The following GDPD1 variants were observed in gnomAD, a reference collection of about 807,000 sequenced individuals.
The protein encoded by GDPD1 is lysophospholipase D GDPD1.
In GDPD1, 28 loss-of-function variants were observed where a neutral mutation model predicts 45.1. The ratio of observed to expected loss-of-function variants is 0.62; its 90% CI spans 0.46 to 0.85. The LOEUF (loss-of-function observed/expected upper bound fraction) is 0.85. Among genes scored for constraint, GDPD1 ranks in the 40% least tolerant of loss-of-function variants. The pLI, the probability that GDPD1 is intolerant of heterozygous loss-of-function variation, is 0.00. For missense variants in GDPD1, 256 were observed against 364.8 expected, an observed-to-expected ratio of 0.70 and a Z score of 2.43; for synonymous variants, 139 against 131.4, an observed-to-expected ratio of 1.06 and a Z score of -0.40.
chr17:59,245,290 G>A, intron 2 of GDPD1, 124 bp from the exon 3 acceptor site: 2 of 616,286 alleles, frequency 3.2e-6, no homozygotes, highest in East Asian at 2.8e-5. Context: ...ACTAAGTGAT[G>A]GTATTAAGGA....
chr17:59,233,511 C>CAAAAAA (rs35485066), intron 1 of GDPD1, among the ~76,000 whole-genome samples: 4 of 90,594 alleles, frequency 4.4e-5, no homozygotes, highest in African/African-American at 1.2e-4. Flanking sequence ...GACTCCGTCT[C>CAAAAAA]AAAAAAAAAA....
intron 1 of GDPD1, among the ~76,000 whole-genome samples, chr17:59,222,344 C>G (rs568746477): frequency 2.8e-5 from 4 of 144,592 alleles, no homozygotes; most frequent in Non-Finnish European, 4.6e-5. Flanking sequence ...GTAGCTGGGA[C>G]TACAGGCGCC....
At position 59,220,551 on chromosome 17, in the gene GDPD1, A is replaced by G. The variant is rs2046994577; in HGVS notation, c.-59A>G. ...AGCCGCCGCCGCCGCCGTCGTTGCT[A>G]CTGCCGCAGCGGAGTTCAGAGGGCC... is the stretch of plus-strand genomic sequence containing the variant. On this transcript the variant is annotated 5_prime_UTR_variant, in exon 1 of 10. Coordinates refer to ENST00000284116, the MANE Select transcript of GDPD1 (RefSeq NM_182569.4). The G allele has an allele frequency of 6.4e-7, 1 of 1,566,394 alleles. No individual in the cohort carries two copies. Among genetic ancestry groups the G allele is most frequent in the South Asian group, 1.2e-5 (1 of 86,700 alleles).
intron 6 of GDPD1, among the ~76,000 whole-genome samples, chr17:59,261,338 G>A (rs1196722056): frequency 6.6e-6 from 1 of 152,064 alleles, no homozygotes; most frequent in Non-Finnish European, 1.5e-5. Context: ...GGGAAGAACA[G>A]AGCAATCACT....
chr17:59,225,089 T>TC (rs1225508914), intron 1 of GDPD1, among the ~76,000 whole-genome samples: 1 of 139,060 alleles, frequency 7.2e-6, no homozygotes, highest in African/African-American at 2.7e-5. Flanking sequence ...TTCTTTCTTT[T>TC]CTTTTTTTTT....
chr17:59,275,307 A>T lies in GDPD1; in HGVS notation c.*1534A>T. The T allele has an allele frequency of 1.2e-6, 1 of 827,258 alleles. No homozygotes were observed. The highest frequency in any genetic ancestry group is 1.9e-6 in the Non-Finnish European group (1 of 528,190). 51.2% of individuals were successfully genotyped at this position (827,258 alleles called of 1,614,324 possible). On this transcript the variant is annotated 3_prime_UTR_variant, in exon 10 of 10. Transcript: ENST00000284116. The stretch of plus-strand genomic sequence containing the variant: ...ATCAGCAGCAGCCAGGCTCAAGAAA[A>T]TAAAAGTTGATTAGTTGATCAGAAA...
At chr17:59,255,854 CACGTATATATATATATATAT>C (rs1568346967) in intron 4 of GDPD1, among the ~76,000 whole-genome samples, 1 of 81,952 alleles carries the variant, frequency 1.2e-5, no homozygotes, top group Non-Finnish European at 2.1e-5. Context: ...TATATATACA[CACGTATATATATATATATAT>C]ACACACACAC....
At chr17:59,259,744 A>T (rs1254590804) in intron 6 of GDPD1, among the ~76,000 whole-genome samples, 1 of 150,000 alleles carries the variant, frequency 6.7e-6, no homozygotes, top group Admixed American at 6.7e-5. Context: ...ATCTCAAAAA[A>T]AAAAAAAAAG....
intron 4 of GDPD1, among the ~76,000 whole-genome samples, chr17:59,253,553 C>T (rs1158075889): frequency 6.6e-6 from 1 of 152,122 alleles, no homozygotes; most frequent in Non-Finnish European, 1.5e-5. Flanking sequence ...CCTCAGCACA[C>T]ATTTTAGTTT....
At chr17:59,244,196 C>T (rs1020850253) in intron 2 of GDPD1, among the ~76,000 whole-genome samples, 12 of 152,132 alleles carry the variant, frequency 7.9e-5, no homozygotes, top group Admixed American at 2.0e-4. Context: ...TGGGATACTC[C>T]GGGGTCTTGC....
At chr17:59,255,637 G>A (rs1295487692) in intron 4 of GDPD1, among the ~76,000 whole-genome samples, 5 of 145,792 alleles carry the variant, frequency 3.4e-5, no homozygotes, top group Non-Finnish European at 7.5e-5. Flanking sequence ...CAGCTACTTA[G>A]GAGGCTGAGG....
At chr17:59,233,330 G>A (rs970923540) in intron 1 of GDPD1, among the ~76,000 whole-genome samples, 1 of 152,128 alleles carries the variant, frequency 6.6e-6, no homozygotes, top group East Asian at 1.9e-4. Context: ...TGGCTAACAC[G>A]GTGAAACCCC....
At chr17:59,231,404 G>C (rs370527840) in intron 1 of GDPD1, among the ~76,000 whole-genome samples, 126 of 137,664 alleles carry the variant, frequency 9.2e-4, no homozygotes, top group African/African-American at 3.4e-3. Flanking sequence ...TCAGCTCACT[G>C]CAAGCTCTGC....
chr17:59,255,762 AATATATATATAT>A lies in GDPD1; in HGVS notation c.368-1348_368-1337del, dbSNP rs1203946108. On this transcript the variant is annotated intron_variant, in intron 4 of 9. Coordinates refer to ENST00000284116, the MANE Select transcript of GDPD1 (RefSeq NM_182569.4). ...CCGTCTCAAAAAAAAAAAAAAAAAAAATATATATATATATATATATATACGCGTATATATGTA... is the reference window on the plus strand; with the variant it reads ...CCGTCTCAAAAAAAAAAAAAAAAAAAATATATATATACGCGTATATATGTA... Among the ~76,000 whole-genome samples the A allele has an allele frequency of 1.4e-4, 6 of 44,356 alleles. 1 individual carries two copies. The highest frequency in any genetic ancestry group is 9.4e-4 in the African/African-American group (5 of 5,306). The allele number at this position is 44,356 out of a possible 152,430, so 29.1% of individuals were successfully genotyped here.
intron 2 of GDPD1, among the ~76,000 whole-genome samples, chr17:59,234,974 CT>C (rs35615525): frequency 0.11 from 15,670 of 141,268 alleles, 999 homozygotes; most frequent in South Asian, 0.27. Context: ...GAGTGTTGAT[CT>C]TTTTTTTTTT....
intron 6 of GDPD1, among the ~76,000 whole-genome samples, chr17:59,260,412 C>G (rs758337477): frequency 6.6e-6 from 1 of 151,652 alleles, no homozygotes; most frequent in Non-Finnish European, 1.5e-5. Context: ...CATGGTGGTG[C>G]GCACCTGTAA....
intron 2 of GDPD1, among the ~76,000 whole-genome samples, chr17:59,243,056 G>A (rs1458787923): frequency 6.6e-6 from 1 of 151,990 alleles, no homozygotes; most frequent in African/African-American, 2.4e-5. Context: ...AGGTGTGGTG[G>A]CGGGTACCTG....
chr17:59,257,155 C>A lies in GDPD1; in HGVS notation c.401C>A (p.Pro134Gln). 1 of 1,603,320 alleles carries A rather than the reference C, an allele frequency of 6.2e-7. No homozygotes were observed. The highest frequency in any genetic ancestry group is 8.5e-7 in the Non-Finnish European group (1 of 1,174,002). ...CQCEGKDNRIPLLKEVFEAFP... is the reference protein window; with the variant it reads ...CQCEGKDNRIQLLKEVFEAFP... ...TGTGAAGGAAAAGATAACCGAATTC[C>A]ATTACTGAAGGAAGTTTTTGAGGCC... Residue 134 changes from proline to glutamine, a missense_variant, in exon 5 of 10, where the codon CCA becomes CAA. Physicochemically the swap from Pro to Gln is moderately conservative, Grantham distance 76 (BLOSUM62 -1). Coordinates refer to ENST00000284116, the MANE Select transcript of GDPD1 (RefSeq NM_182569.4).
In GDPD1 at chr17:59,220,537, C is replaced by T. The variant is rs371728481; in HGVS notation, c.-73C>T. On this transcript the variant is annotated 5_prime_UTR_variant, in exon 1 of 10. Transcript: ENST00000284116. ...AGCCGACCTCGAGCAGCCGCCGCCGCCGCCGTCGTTGCTACTGCCGCAGCG... is the reference window on the plus strand; with the variant it reads ...AGCCGACCTCGAGCAGCCGCCGCCGTCGCCGTCGTTGCTACTGCCGCAGCG... 122 of 1,531,878 alleles carry T rather than the reference C, an allele frequency of 8.0e-5. 1 individual carries two copies. The East Asian group carries it at 2.6e-3, about 32-fold the overall frequency. 94.9% of individuals were successfully genotyped at this position (1,531,878 alleles called of 1,614,324 possible).
Sources: gnomAD v4.1 joint callset for allele counts (sites outside exome capture counted in the v4.1 genomes callset) on GRCh38, gnomAD v4.1.1 for gene constraint, MANE v1.5 for transcripts, NCBI Gene and HGNC (gene_info 2026-07-23, HGNC 2026-07-21) for gene names.